The following CATSPERB variants were observed in gnomAD, a reference collection of about 807,000 sequenced individuals.
CATSPERB encodes the protein catsper channel auxiliary subunit beta.
CATSPERB carries 93 observed loss-of-function variants against 128.3 expected under a neutral mutation model. The observed-to-expected ratio is 0.72, with a 90% CI of 0.61 to 0.86. CATSPERB has a LOEUF of 0.86. Ranked by LOEUF, CATSPERB falls within the 40% of genes least tolerant of loss-of-function variation. CATSPERB has a pLI of 0.00. For synonymous variants in CATSPERB, 381 were observed against 448.8 expected (o/e 0.85, Z 1.91); for missense variants, 1,153 against 1,329.5 (o/e 0.87, Z 2.06).
At chr14:91,673,099 A>G in intron 12 of CATSPERB, 83 bp from the exon 13 acceptor site, 1 of 1,181,148 alleles carries the variant, frequency 8.5e-7, no homozygotes, top group Non-Finnish European at 1.2e-6. Context: ...CCACTTGTTC[A>G]TAGAAGTAAT....
At chr14:91,714,707 C>T (rs1167412786) in intron 5 of CATSPERB, among the ~76,000 whole-genome samples, 1 of 151,666 alleles carries the variant, frequency 6.6e-6, no homozygotes, top group African/African-American at 2.4e-5. Context: ...TTACAGGTGC[C>T]CTCCACTGCG....
At chr14:91,663,729 G>A (rs1360715162) in intron 14 of CATSPERB, among the ~76,000 whole-genome samples, 1 of 151,338 alleles carries the variant, frequency 6.6e-6, no homozygotes, top group African/African-American at 2.4e-5. Flanking sequence ...CATAATACAA[G>A]AGTGTTTTGT....
At chr14:91,669,301 A>T (rs17127494) in intron 14 of CATSPERB, among the ~76,000 whole-genome samples, 60,024 of 151,848 alleles carry the variant, frequency 0.4, 12,034 homozygotes, top group Middle Eastern at 0.54. Context: ...CTTACTTTTT[A>T]AAACTGTCAG....
At chr14:91,676,742 CA>C (rs1356910954) in intron 11 of CATSPERB, among the ~76,000 whole-genome samples, 1 of 151,778 alleles carries the variant, frequency 6.6e-6, no homozygotes, top group East Asian at 1.9e-4. Flanking sequence ...GGTATGGAAC[CA>C]AAAAAGAGCC....
intron 7 of CATSPERB, among the ~76,000 whole-genome samples, chr14:91,698,740 GT>G (rs1745715652): frequency 6.6e-6 from 1 of 152,166 alleles, no homozygotes; most frequent in Non-Finnish European, 1.5e-5. Context: ...GGTACAAGTA[GT>G]TTTTTGTTAC....
intron 14 of CATSPERB, among the ~76,000 whole-genome samples, chr14:91,665,727 G>C (rs1247989808): frequency 1.3e-5 from 2 of 152,104 alleles, no homozygotes; most frequent in African/African-American, 4.8e-5. Flanking sequence ...AAAATTAGCT[G>C]GGTGTGGTGG....
At chr14:91,664,865 G>A (rs1265976714) in intron 14 of CATSPERB, among the ~76,000 whole-genome samples, 2 of 151,906 alleles carry the variant, frequency 1.3e-5, no homozygotes, top group African/African-American at 2.4e-5. Context: ...ACTATTTATT[G>A]TCCACAATCA....
intron 14 of CATSPERB, among the ~76,000 whole-genome samples, chr14:91,666,585 A>C (rs1299343790): frequency 7.0e-4 from 107 of 152,224 alleles, no homozygotes; most frequent in Non-Finnish European, 1.2e-4. Flanking sequence ...TAAGTAAAGA[A>C]GTTGATGTAG....
At chr14:91,649,364 G>C (rs1314573916) in intron 15 of CATSPERB, among the ~76,000 whole-genome samples, 1 of 147,350 alleles carries the variant, frequency 6.8e-6, no homozygotes, top group Non-Finnish European at 1.5e-5. Context: ...TGTGTGTGTA[G>C]AGATTGTTGC....
At chr14:91,727,930 C>T (rs1485341236) in intron 2 of CATSPERB, among the ~76,000 whole-genome samples, 2 of 152,080 alleles carry the variant, frequency 1.3e-5, no homozygotes, top group Non-Finnish European at 2.9e-5. Flanking sequence ...CAGACTGGAA[C>T]CAAGTTGTTT....
At chr14:91,725,208 G>A (rs369993151) in intron 2 of CATSPERB, 40 bp from the exon 3 acceptor site, 38 of 913,704 alleles carry the variant, frequency 4.2e-5, no homozygotes, top group Admixed American at 1.5e-4. Flanking sequence ...ATCACTGATA[G>A]AAGACTGTCC....
intron 20 of CATSPERB, among the ~76,000 whole-genome samples, chr14:91,611,338 G>A (rs373559835): frequency 8.9e-4 from 136 of 152,268 alleles, no homozygotes; most frequent in African/African-American, 3.1e-3. Context: ...GGCTGGGCAC[G>A]GTGGCTCACG....
chr14:91,697,330 A>T (rs771140344), intron 7 of CATSPERB, among the ~76,000 whole-genome samples: 13 of 152,060 alleles, frequency 8.5e-5, no homozygotes, highest in Admixed American at 2.0e-4. Context: ...ACAGAGGAAA[A>T]TAAGGATGTT....
At chr14:91,627,994 T>A (rs183309103) in intron 17 of CATSPERB, among the ~76,000 whole-genome samples, 1 of 151,930 alleles carries the variant, frequency 6.6e-6, no homozygotes, top group Non-Finnish European at 1.5e-5. Flanking sequence ...GAAAAAAATA[T>A]ATATTTATAT....
At chr14:91,632,816 A>AAC (rs112899550) in intron 17 of CATSPERB, among the ~76,000 whole-genome samples, 119,331 of 150,072 alleles carry the variant, frequency 0.8, 47,681 homozygotes, top group East Asian at 0.94. Context: ...AGTCACTTAA[A>AAC]ACACACACAC....
intron 2 of CATSPERB, among the ~76,000 whole-genome samples, chr14:91,726,720 AG>A (rs1421986079): frequency 6.6e-6 from 1 of 152,218 alleles, no homozygotes; most frequent in East Asian, 1.9e-4. Flanking sequence ...AGGGAGGGGA[AG>A]GGGCTATGAA....
At chr14:91,721,588 G>T (rs766812848) in intron 4 of CATSPERB, among the ~76,000 whole-genome samples, 1 of 152,134 alleles carries the variant, frequency 6.6e-6, no homozygotes, top group Non-Finnish European at 1.5e-5. Context: ...GATGGCTCAT[G>T]CCTGTAATCC....
In CATSPERB at chr14:91,701,081, C is replaced by T. The variant is rs1895639455; in HGVS notation, c.616+3471G>A. Among the ~76,000 whole-genome samples, 3 of 152,244 alleles carry T rather than the reference C, an allele frequency of 2.0e-5. No individual in the cohort carries two copies. The South Asian group carries it at 6.2e-4, about 32-fold the overall frequency. Reference sequence around the variant, plus strand: ...CCTTGAAGCTAGGTACTGCATGGATCATCCATATGGATGGTGAAGTCACCA... The same window carrying T: ...CCTTGAAGCTAGGTACTGCATGGATTATCCATATGGATGGTGAAGTCACCA... On this transcript the variant is annotated intron_variant, in intron 7 of 26. Coordinates refer to ENST00000256343, the MANE Select transcript of CATSPERB (RefSeq NM_024764.4).
At chr14:91,585,763 G>T (rs1566692936) in intron 26 of CATSPERB, among the ~76,000 whole-genome samples, 1 of 152,192 alleles carries the variant, frequency 6.6e-6, no homozygotes. Context: ...TTGTATCCTG[G>T]TGAATAATGG....
Sources: gnomAD v4.1 joint callset for allele counts (sites outside exome capture counted in the v4.1 genomes callset) on GRCh38, gnomAD v4.1.1 for gene constraint, MANE v1.5 for transcripts, NCBI Gene and HGNC (gene_info 2026-07-23, HGNC 2026-07-21) for gene names.